Variants in CYLD observed in about 807,000 individuals in gnomAD.
CYLD encodes ubiquitin carboxyl-terminal hydrolase CYLD.
A neutral mutation model predicts 104.5 loss-of-function variants in CYLD; 26 were observed. The observed-to-expected ratio is 0.25, with a 90% confidence interval of 0.18 to 0.35. The LOEUF is 0.35. Ranked by LOEUF, CYLD falls within the 10% of genes least tolerant of loss-of-function variation. The pLI is 1.00. For missense variants in CYLD, 703 were observed against 1,136.1 expected (o/e 0.62, Z 5.48); for synonymous variants, 385 against 399.9 (o/e 0.96, Z 0.45).
At chr16:50,759,230 A>C (rs1967633743) in intron 5 of CYLD, among the ~76,000 whole-genome samples, 1 of 152,232 alleles carries the variant, frequency 6.6e-6, no homozygotes, top group Admixed American at 6.5e-5. Context: ...TGACAGAGCG[A>C]GACTCCATCT....
Position 50,777,884 on chromosome 16 carries a change from T to A in CYLD, c.1081T>A (p.Ser361Thr). ...RSELFYTLNG[S>T]SVDSQPQSKS... ...TGAATTATTTTATACCTTAAATGGG[T>A]CTTCTGTTGACTCACAACCACAATC... Residue 361 changes from serine to threonine, a missense_variant, in exon 8 of 19, where the codon TCT becomes ACT. Transcript: ENST00000427738. The A allele has an allele frequency of 6.2e-7, 1 of 1,609,870 alleles. No homozygotes were observed. Among genetic ancestry groups the A allele is most frequent in the African/African-American group, 1.3e-5 (1 of 74,910 alleles).
intron 9 of CYLD, 22 bp downstream of exon 9, chr16:50,780,066 A>T (rs2150992095): frequency 1.9e-6 from 3 of 1,613,436 alleles, no homozygotes; most frequent in Non-Finnish European, 2.5e-6. Flanking sequence ...TGACCCAAAA[A>T]TTTCAATTTT....
chr16:50,743,941 T>G (rs1965953125), intron 2 of CYLD, among the ~76,000 whole-genome samples: 1 of 152,258 alleles, frequency 6.6e-6, no homozygotes, highest in African/African-American at 2.4e-5. Context: ...CTTCTCTTTC[T>G]CTTGGTTTAA....
At chr16:50,784,545 A>G (rs1970612685) in intron 12 of CYLD, 94 bp downstream of exon 12, 1 of 1,307,988 alleles carries the variant, frequency 7.6e-7, no homozygotes, top group Non-Finnish European at 1.1e-6. Context: ...TCTTCATGTA[A>G]TAAGAGATGG....
Position 50,779,852 on chromosome 16 carries a change from C to G in CYLD, c.1326C>G (p.Ala442=). Residue 442 remains alanine, a synonymous_variant, in exon 9 of 19, where the codon GCC becomes GCG. Transcript: ENST00000427738. ...GCCACAGTCCACTTTCTCTGTCAGC[C>G]CAGTCTGTAATGGAAGAGCTAAACA... The part of the protein sequence containing the change: ...SIGHSPLSLS[A]QSVMEELNTA... 1 of 1,613,978 alleles carries G rather than the reference C, an allele frequency of 6.2e-7. No individual in the cohort carries two copies. Among genetic ancestry groups the G allele is most frequent in the Non-Finnish European group, 8.5e-7 (1 of 1,179,976 alleles).
In CYLD at chr16:50,796,613, T is replaced by C. The variant is rs1972074201; in HGVS notation, c.*105T>C. The C allele has an allele frequency of 4.3e-6, 5 of 1,152,644 alleles. No homozygotes were observed. The highest frequency in any genetic ancestry group is 2.8e-4 in the Middle Eastern group (1 of 3,596). 71.4% of individuals were successfully genotyped at this position (1,152,644 alleles called of 1,614,324 possible). ...CGTCCATTGCCGGCAATGGATGTCT[T>C]TGTGGTGATGATCCTTCAGAAAAGG... On this transcript the variant is annotated 3_prime_UTR_variant, in exon 19 of 19. Transcript: ENST00000427738.
rs1972096316 is a variant in CYLD at position 50,796,861 on chromosome 16, A to G, written c.*353A>G. 2.8e-6 allele frequency: 1 copy of G among 359,780 alleles called. No homozygotes were observed. Among genetic ancestry groups the G allele is most frequent in the African/African-American group, 2.0e-5 (1 of 48,978 alleles). 22.3% of individuals were successfully genotyped at this position (359,780 alleles called of 1,614,324 possible). On this transcript the variant is annotated 3_prime_UTR_variant, in exon 19 of 19. Transcript: ENST00000427738. ...CTCTTTTAGTCCATTGAGAATGTAA[A>G]TAAATGTGTCTTCTTTATGGACCAA...
intron 8 of CYLD, among the ~76,000 whole-genome samples, chr16:50,779,256 CTTTCTTTGTTACTT>C (rs1342575465): frequency 6.6e-6 from 1 of 152,034 alleles, no homozygotes; most frequent in Non-Finnish European, 1.5e-5. Flanking sequence ...AGGATTCTTT[CTTTCTTTGTTACTT>C]TTTCTCTCTT....
At chr16:50,758,890 T>C (rs1967583336) in intron 5 of CYLD, among the ~76,000 whole-genome samples, 1 of 152,210 alleles carries the variant, frequency 6.6e-6, no homozygotes, top group Non-Finnish European at 1.5e-5. Flanking sequence ...GTTAATATTA[T>C]ACGAATTCAT....
At chr16:50,778,199 G>T in intron 8 of CYLD, 1 of 347,890 alleles carries the variant, frequency 2.9e-6, no homozygotes, top group South Asian at 4.1e-5. Context: ...TTTCTGTCTG[G>T]TTCCTTCCTG....
chr16:50,754,926 T>TAC (rs1214587190), intron 5 of CYLD, among the ~76,000 whole-genome samples: 1 of 148,148 alleles, frequency 6.8e-6, no homozygotes, highest in Admixed American at 6.8e-5. Context: ...TATACATATA[T>TAC]ACACACATAT....
chr16:50,790,449 T>C (rs1306024332), intron 14 of CYLD, among the ~76,000 whole-genome samples: 1 of 152,156 alleles, frequency 6.6e-6, no homozygotes, highest in Non-Finnish European at 1.5e-5. Context: ...TTTCCTCTCT[T>C]ATTTTTTTTT....
Position 50,784,196 on chromosome 16 carries a change from T to C in CYLD, c.1827-133T>C, listed in dbSNP as rs995048707. The C allele has an allele frequency of 1.3e-5, 12 of 953,996 alleles. No individual in the cohort carries two copies. In the Admixed American group the frequency reaches 2.4e-4, roughly 19 times the overall value. 59.1% of individuals were successfully genotyped at this position (953,996 alleles called of 1,614,324 possible). On this transcript the variant is annotated intron_variant, in intron 11 of 18. Coordinates refer to ENST00000427738, the MANE Select transcript of CYLD (RefSeq NM_001378743.1). ...TTCACAGGGGTCCTGGTACCTGTGTTAATGAAAAACACAAATTGTTATGTT... is the reference window on the plus strand; with the variant it reads ...TTCACAGGGGTCCTGGTACCTGTGTCAATGAAAAACACAAATTGTTATGTT...
chr16:50,755,522 C>T (rs1020652615), intron 5 of CYLD, among the ~76,000 whole-genome samples: 1 of 152,180 alleles, frequency 6.6e-6, no homozygotes. Context: ...CTTTTCACCA[C>T]ATCCATGCCA....
rs1008838480 is a variant in CYLD at position 50,794,063 on chromosome 16, G to A, written c.2470-149G>A. ...CTGCCTCAGCCTCCCGAGTAGCTGG[G>A]ACTGCAGGCGCCTGCCACCACGCCC... On this transcript the variant is annotated intron_variant, in intron 17 of 18. Coordinates refer to ENST00000427738, the MANE Select transcript of CYLD (RefSeq NM_001378743.1). This position sits in a 1 kb window ranked among gnomAD's most constrained non-coding sequence, Gnocchi z 4.1. 1.4e-6 allele frequency: 1 copy of A among 705,268 alleles called. No homozygotes were observed. The allele number at this position is 705,268 out of a possible 1,614,324, so 43.7% of individuals were successfully genotyped here. A position where few individuals can be genotyped will look rare whatever the true frequency, so the allele number is the denominator to read the frequency against.
rs764123017 is a variant in CYLD, at chr16:50,776,223, T to A, written c.967T>A (p.Ser323Thr). 1 of 1,613,638 alleles carries A rather than the reference T, an allele frequency of 6.2e-7. No homozygotes were observed. Among genetic ancestry groups the A allele is most frequent in the South Asian group, 1.1e-5 (1 of 91,070 alleles). The change falls in exon 7 of 19, where the codon TCA becomes ACA. Residue 323 changes from serine to threonine, a missense_variant. Physicochemically the swap from Ser to Thr is moderately conservative, Grantham distance 58 (BLOSUM62 1). This residue lies in a region of CYLD where 183 missense variants were observed against 212.1 expected (regional missense o/e 0.86). Transcript: ENST00000427738. ...ERRPPKLAFM[S>T]RGVGDKGSSS... ...GAGGCCTCCCAAACTTGCCTTTATG[T>A]CAAGAGGTGTTGGGGACAAAGGTTC...
At chr16:50,745,362 GTTT>G (rs535675323) in intron 2 of CYLD, among the ~76,000 whole-genome samples, 1 of 78,748 alleles carries the variant, frequency 1.3e-5, no homozygotes, top group South Asian at 4.4e-4. Flanking sequence ...TTTCCTCTTT[GTTT>G]TTTTTTTTTT....
At chr16:50,742,551 C>G (rs557139471) in intron 1 of CYLD, 397 of 235,834 alleles carry the variant, frequency 1.7e-3, no homozygotes, top group Non-Finnish European at 2.4e-3. Flanking sequence ...CTCCCGCCCC[C>G]CACCCCATTT....
intron 8 of CYLD, among the ~76,000 whole-genome samples, chr16:50,778,941 CTGTATTAGTCAT>C (rs1402520650): frequency 6.6e-6 from 1 of 152,124 alleles, no homozygotes; most frequent in Non-Finnish European, 1.5e-5. Context: ...TGCCTGTCAG[CTGTATTAGTCAT>C]TTTAAGAAAA....
Sources: gnomAD v4.1 joint callset for allele counts (sites outside exome capture counted in the v4.1 genomes callset) on GRCh38, gnomAD v4.1.1 for gene constraint, gnomAD v4.1.1 regional missense constraint, Gnocchi (gnomAD v3.1) non-coding constraint, MANE v1.5 for transcripts, NCBI Gene and HGNC (gene_info 2026-07-23, HGNC 2026-07-21) for gene names.